BCL11B: variants seen among roughly 807,000 people sequenced by gnomAD.
BCL11B encodes the protein B-cell lymphoma/leukemia 11B.
BCL11B carries 8 observed loss-of-function variants against 49.9 expected under a neutral mutation model. The ratio of observed to expected loss-of-function variants is 0.16; its 90% CI spans 0.09 to 0.29. The LOEUF is 0.29. Among genes scored for constraint, BCL11B ranks in the 10% least tolerant of loss-of-function variants. BCL11B has a pLI of 1.00. For missense variants in BCL11B, 1,006 were observed against 1,351.0 expected, an observed-to-expected ratio of 0.74 and a Z score of 4.00; for synonymous variants, 739 against 637.4, an observed-to-expected ratio of 1.16 and a Z score of -2.40.
At chr14:99,191,069 TATTCCCCCAGG>T (rs1887013992) in intron 3 of BCL11B, among the ~76,000 whole-genome samples, 1 of 152,204 alleles carries the variant, frequency 6.6e-6, no homozygotes, top group Non-Finnish European at 1.5e-5. Flanking sequence ...TAGATACTAA[TATTCCCCCAGG>T]CCTTTTCCAG....
At chr14:99,188,672 G>T (rs544306785) in intron 3 of BCL11B, among the ~76,000 whole-genome samples, 278 of 152,322 alleles carry the variant, frequency 1.8e-3, no homozygotes, top group Non-Finnish European at 2.8e-3. Context: ...ATAGGGAGAG[G>T]TCTGAGGGGC....
intron 3 of BCL11B, among the ~76,000 whole-genome samples, chr14:99,204,310 G>A (rs1887471718): frequency 6.6e-6 from 1 of 152,132 alleles, no homozygotes; most frequent in African/African-American, 2.4e-5. Context: ...CTCTCTCCCT[G>A]GGGTTAGTGC....
intron 2 of BCL11B, among the ~76,000 whole-genome samples, chr14:99,253,924 C>G (rs1035303446): frequency 3.3e-5 from 5 of 152,196 alleles, no homozygotes; most frequent in African/African-American, 1.2e-4. Context: ...AGCTAAAGAC[C>G]CTGCCTCTGA....
intron 3 of BCL11B, among the ~76,000 whole-genome samples, chr14:99,225,390 C>T (rs1018597854): frequency 3.3e-5 from 5 of 152,110 alleles, no homozygotes; most frequent in African/African-American, 4.8e-5. Flanking sequence ...TGGGCCAGTC[C>T]GCTCCACACA....
Position 99,271,323 on chromosome 14 carries a change from C to T in BCL11B, c.-105G>A, listed in dbSNP as rs866848735. ...GCGCCGCTGCCGCCGCTGCCGCCGC[C>T]GCCGCCGCCGCCGCACCTCCTCCTC... On this transcript the variant is annotated 5_prime_UTR_variant, in exon 1 of 4. Coordinates refer to ENST00000357195, the MANE Select transcript of BCL11B (RefSeq NM_138576.4). 2.6e-3 allele frequency: 1,053 copies of T among 410,360 alleles called. 4 individuals are homozygous for T. Among genetic ancestry groups the T allele is most frequent in the Middle Eastern group, 3.6e-3 (8 of 2,246 alleles). The allele number at this position is 410,360 out of a possible 1,614,324, so 25.4% of individuals were successfully genotyped here. A position where few individuals can be genotyped will look rare whatever the true frequency, so the allele number is the denominator to read the frequency against.
At chr14:99,212,106 T>C (rs1268143271) in intron 3 of BCL11B, among the ~76,000 whole-genome samples, 2 of 152,154 alleles carry the variant, frequency 1.3e-5, no homozygotes, top group Non-Finnish European at 2.9e-5. Flanking sequence ...TGTCTTCTTT[T>C]CCAGGAGGTG....
rs1014936847 is a variant in BCL11B at position 99,248,487 on chromosome 14, G to A, written c.427+8984C>T. On this transcript the variant is annotated intron_variant, in intron 2 of 3. Coordinates refer to ENST00000357195, the MANE Select transcript of BCL11B (RefSeq NM_138576.4). This position sits in a 1 kb window ranked among gnomAD's most constrained non-coding sequence, Gnocchi z 4.7. ...GGGCCCGAGGTTTATACAATTCAGG[G>A]TACACTCATCACAAAGAAAAGAATG... 6.6e-6 allele frequency among the ~76,000 whole-genome samples: 1 copy of A among 152,002 alleles called. No individual in the cohort carries two copies. The highest frequency in any genetic ancestry group is 1.9e-4 in the East Asian group (1 of 5,166).
At chr14:99,206,523 T>C (rs943074740) in intron 3 of BCL11B, among the ~76,000 whole-genome samples, 21 of 152,246 alleles carry the variant, frequency 1.4e-4, no homozygotes, top group African/African-American at 5.1e-4. Flanking sequence ...GAATCTTCCC[T>C]CTGTCCAGCA....
intron 3 of BCL11B, among the ~76,000 whole-genome samples, chr14:99,199,640 C>CTCTGTGTGTGTGTGTGTGTGTG (rs1168964373): frequency 1.8e-5 from 2 of 109,524 alleles, no homozygotes; most frequent in African/African-American, 7.4e-5. Flanking sequence ...TGGCTAAATG[C>CTCTGTGTGTGTGTGTGTGTGTG]TGTGTGTGTG....
intron 3 of BCL11B, among the ~76,000 whole-genome samples, chr14:99,206,082 T>C (rs1887526045): frequency 6.6e-6 from 1 of 151,932 alleles, no homozygotes; most frequent in East Asian, 1.9e-4. Context: ...CCAGATTCTC[T>C]CTCCAGGAGC....
rs535598517 is a variant in BCL11B at position 99,169,344 on chromosome 14, T to C, written c.*4807A>G. The C allele has an allele frequency of 5.2e-6, 1 of 192,500 alleles. No homozygotes were observed. The highest frequency in any genetic ancestry group is 2.3e-5 in the African/African-American group (1 of 43,190). 11.9% of individuals were successfully genotyped at this position (192,500 alleles called of 1,614,324 possible). On this transcript the variant is annotated 3_prime_UTR_variant, in exon 4 of 4. Coordinates refer to ENST00000357195, the MANE Select transcript of BCL11B (RefSeq NM_138576.4). ...TTATAACTTGAAACCAGAACAAACT[T>C]GGTTTTGAACAAGCGTACAAATGAA...
In BCL11B at chr14:99,174,862, G is replaced by A. The variant is rs1274490272; in HGVS notation, c.1974C>T (p.Phe658=). 22 of 1,204,188 alleles carry A rather than the reference G, an allele frequency of 1.8e-5. No homozygotes were observed. Among genetic ancestry groups the A allele is most frequent in the East Asian group, 3.6e-5 (1 of 27,820 alleles). The allele number at this position is 1,204,188 out of a possible 1,614,324, so 74.6% of individuals were successfully genotyped here. A position where few individuals can be genotyped will look rare whatever the true frequency, so the allele number is the denominator to read the frequency against. ...GGAVNGRGGG[F]APGTEPFPGL... ...CGGGGAAGGGCTCGGTGCCTGGCGC[G>A]AAGCCGCCCCCGCGCCCGTTGACCG... is the stretch of plus-strand genomic sequence containing the variant. The change falls in exon 4 of 4, where the codon TTC becomes TTT. Residue 658 remains phenylalanine (F), a synonymous_variant. Coordinates refer to ENST00000357195, the MANE Select transcript of BCL11B (RefSeq NM_138576.4).
intron 2 of BCL11B, among the ~76,000 whole-genome samples, chr14:99,246,072 C>G (rs993417752): frequency 6.6e-6 from 1 of 152,018 alleles, no homozygotes; most frequent in African/African-American, 2.4e-5. Context: ...GCCCCCCGCC[C>G]CCCAAAGCAA....
intron 1 of BCL11B, among the ~76,000 whole-genome samples, chr14:99,260,915 C>T (rs919404874): frequency 4.6e-5 from 7 of 152,066 alleles, no homozygotes; most frequent in African/African-American, 7.2e-5. Flanking sequence ...GGGATCTCCA[C>T]GTCCCAGACC....
intron 3 of BCL11B, among the ~76,000 whole-genome samples, chr14:99,178,400 C>G (rs1438165787): frequency 6.6e-6 from 1 of 152,194 alleles, no homozygotes; most frequent in Non-Finnish European, 1.5e-5. Flanking sequence ...TGAAAGAGCC[C>G]CTGAGGGGAA....
Position 99,174,430 on chromosome 14 carries a change from G to T in BCL11B, c.2406C>A (p.Gly802=). ...AGTTGCTGCAGTTCTTGAACACCTT[G>T]CCGCAGTACTCGCACGTGTCGCTGC... ...GRRSDTCEYC[G]KVFKNCSNLT... The change falls in exon 4 of 4, where the codon GGC becomes GGA. Residue 802 remains glycine (G), a synonymous_variant. Coordinates refer to ENST00000357195, the MANE Select transcript of BCL11B (RefSeq NM_138576.4). 6.2e-7 allele frequency: 1 copy of T among 1,612,810 alleles called. No homozygotes were observed. Among genetic ancestry groups the T allele is most frequent in the South Asian group, 1.1e-5 (1 of 91,038 alleles).
At position 99,197,382 on chromosome 14, in the gene BCL11B, G is replaced by T. The variant is rs914547353; in HGVS notation, c.641-21187C>A. ...AGCTGAAGTCAGTATGCAAAGCAGGGTCTCCCACTCTGGATTCAGGGCAGA... is the reference window on the plus strand; with the variant it reads ...AGCTGAAGTCAGTATGCAAAGCAGGTTCTCCCACTCTGGATTCAGGGCAGA... On this transcript the variant is annotated intron_variant, in intron 3 of 3. Transcript: ENST00000357195. Among the ~76,000 whole-genome samples the T allele has an allele frequency of 1.6e-4, 25 of 152,268 alleles. 1 individual carries two copies. Among genetic ancestry groups the T allele is most frequent in the Middle Eastern group, 3.4e-3 (1 of 294 alleles).
intron 2 of BCL11B, among the ~76,000 whole-genome samples, chr14:99,238,492 A>G (rs759520791): frequency 2.2e-4 from 34 of 152,142 alleles, no homozygotes; most frequent in Non-Finnish European, 4.6e-4. Context: ...GTTACATCAC[A>G]AATTCCAACA....
chr14:99,200,329 C>G (rs112988059), intron 3 of BCL11B, among the ~76,000 whole-genome samples: 1,997 of 152,302 alleles, frequency 0.013, 47 homozygotes, highest in African/African-American at 0.045. Context: ...AAGCCCCATT[C>G]GGAGCTGTGT....
Sources: gnomAD v4.1 joint callset for allele counts (sites outside exome capture counted in the v4.1 genomes callset) on GRCh38, gnomAD v4.1.1 for gene constraint, Gnocchi (gnomAD v3.1) non-coding constraint, MANE v1.5 for transcripts, NCBI Gene and HGNC (gene_info 2026-07-23, HGNC 2026-07-21) for gene names.